The following INPP4B variants were observed in gnomAD, a reference collection of about 807,000 sequenced individuals.
INPP4B encodes the protein inositol polyphosphate-4-phosphatase type II B.
Under a neutral mutation model 122.5 loss-of-function variants are expected in INPP4B, and 55 were observed. That is an observed-to-expected ratio of 0.45 (90% CI 0.36 to 0.56). The LOEUF (loss-of-function observed/expected upper bound fraction) is 0.56. Ranked by LOEUF, INPP4B falls within the 20% of genes least tolerant of loss-of-function variation. The pLI is 0.00. For synonymous variants in INPP4B, 403 were observed against 388.7 expected (o/e 1.04, Z -0.43); for missense variants, 1,000 against 1,097.7 (o/e 0.91, Z 1.26).
At chr4:142,206,174 T>C (rs1347617087) in intron 14 of INPP4B, among the ~76,000 whole-genome samples, 3 of 152,014 alleles carry the variant, frequency 2.0e-5, no homozygotes, top group African/African-American at 7.2e-5. Context: ...GAAAGCTCTT[T>C]TTATCATGGC....
intron 1 of INPP4B, among the ~76,000 whole-genome samples, chr4:142,736,448 C>T (rs918006184): frequency 2.0e-5 from 3 of 152,118 alleles, no homozygotes; most frequent in Admixed American, 1.3e-4. Context: ...GACCCTAAAA[C>T]AGAAGCTTCT....
chr4:142,311,289 T>G (rs922636716), intron 8 of INPP4B, among the ~76,000 whole-genome samples: 1 of 152,172 alleles, frequency 6.6e-6, no homozygotes, highest in Non-Finnish European at 1.5e-5. Flanking sequence ...AGGAAGTCAA[T>G]GCATGCTAAA....
intron 12 of INPP4B, among the ~76,000 whole-genome samples, chr4:142,218,036 T>TTG (rs4054980): frequency 0.16 from 24,056 of 148,320 alleles, 2,024 homozygotes; most frequent in Middle Eastern, 0.29. Flanking sequence ...TTCTAATAAA[T>TTG]TGTGTGTGTG....
rs192521861 is a variant in INPP4B at position 142,810,337 on chromosome 4, T to A, written c.-254+35872A>T. On this transcript the variant is annotated intron_variant, in intron 1 of 25. Transcript: ENST00000262992. ...CATTCATCAGTGAGGCTGCCACTTA[T>A]TATTTAATTATAGAATAGTATTCTT... 3.1e-4 allele frequency among the ~76,000 whole-genome samples: 47 copies of A among 152,284 alleles called. No individual in the cohort carries two copies. The East Asian group carries it at 5.0e-3, about 16-fold the overall frequency.
chr4:142,093,619 G>A (rs1780539224), intron 23 of INPP4B, among the ~76,000 whole-genome samples: 1 of 152,058 alleles, frequency 6.6e-6, no homozygotes, highest in Non-Finnish European at 1.5e-5. Context: ...CTAGCAAGCA[G>A]ACAAATGCAA....
At chr4:142,810,452 C>A (rs921626790) in intron 1 of INPP4B, among the ~76,000 whole-genome samples, 1 of 152,124 alleles carries the variant, frequency 6.6e-6, no homozygotes, top group Non-Finnish European at 1.5e-5. Flanking sequence ...CTGAACTACA[C>A]CTTGATCCAT....
At chr4:142,712,564 C>T (rs1281972846) in intron 2 of INPP4B, among the ~76,000 whole-genome samples, 2 of 152,058 alleles carry the variant, frequency 1.3e-5, no homozygotes, top group Non-Finnish European at 1.5e-5. Flanking sequence ...ATTTTCCTGG[C>T]AATAGCCCAC....
intron 12 of INPP4B, among the ~76,000 whole-genome samples, chr4:142,211,978 G>T (rs527363880): frequency 1.3e-5 from 2 of 152,060 alleles, no homozygotes; most frequent in African/African-American, 4.8e-5. Flanking sequence ...TGACAGTGGT[G>T]GCAATACCTG....
chr4:142,469,213 T>C (rs1818367619), intron 2 of INPP4B, among the ~76,000 whole-genome samples: 1 of 151,964 alleles, frequency 6.6e-6, no homozygotes, highest in Admixed American at 6.6e-5. Flanking sequence ...AGCAATAGCT[T>C]TTCTATATAA....
intron 2 of INPP4B, among the ~76,000 whole-genome samples, chr4:142,588,019 AAAATAAATGTAATTCAC>A (rs1736611673): frequency 6.6e-6 from 1 of 151,950 alleles, no homozygotes; most frequent in African/African-American, 2.4e-5. Context: ...TCAACATATG[AAAATAAATGTAATTCAC>A]TACCTGAACA....
At chr4:142,723,743 A>G (rs2150851749) in intron 2 of INPP4B, among the ~76,000 whole-genome samples, 1 of 152,294 alleles carries the variant, frequency 6.6e-6, no homozygotes, top group African/African-American at 2.4e-5. Context: ...CACCTTCACT[A>G]GTATGTCTTA....
chr4:142,250,939 A>G (rs1731684513), intron 11 of INPP4B, among the ~76,000 whole-genome samples: 1 of 152,240 alleles, frequency 6.6e-6, no homozygotes, highest in Non-Finnish European at 1.5e-5. Flanking sequence ...AGCTGCTCCT[A>G]TCAATTTTAT....
chr4:142,837,304 G>A (rs1019825922), intron 1 of INPP4B, among the ~76,000 whole-genome samples: 1 of 151,976 alleles, frequency 6.6e-6, no homozygotes, highest in Non-Finnish European at 1.5e-5. Flanking sequence ...AATAGTAGAA[G>A]AATATAGTAC....
chr4:142,474,131 C>G (rs768362751), intron 2 of INPP4B: 2 of 152,264 alleles, frequency 1.3e-5, no homozygotes, highest in Non-Finnish European at 2.9e-5. Flanking sequence ...TCTGAACTGT[C>G]AGTGGACACA....
intron 3 of INPP4B, among the ~76,000 whole-genome samples, chr4:142,432,839 T>C (rs1044240594): frequency 5.9e-5 from 9 of 152,128 alleles, no homozygotes; most frequent in Non-Finnish European, 1.0e-4. Flanking sequence ...GTATGATGAA[T>C]CCTAGCAAAA....
At chr4:142,209,121 T>C in intron 12 of INPP4B, 95 bp from the exon 13 acceptor site, 1 of 851,218 alleles carries the variant, frequency 1.2e-6, no homozygotes, top group Non-Finnish European at 1.7e-6. Flanking sequence ...TAAGAAATTA[T>C]TTCATCCTAA....
chr4:142,733,607 TA>T (rs915994749), intron 1 of INPP4B, among the ~76,000 whole-genome samples: 10 of 151,240 alleles, frequency 6.6e-5, no homozygotes, highest in Middle Eastern at 3.4e-3. Context: ...GAGGCTGAAT[TA>T]AAAAAAAAGA....
intron 7 of INPP4B, among the ~76,000 whole-genome samples, chr4:142,354,723 T>C (rs1315980954): frequency 6.6e-6 from 1 of 151,980 alleles, no homozygotes; most frequent in African/African-American, 2.4e-5. Context: ...TTGAGCTTAT[T>C]TTAGATGTTA....
intron 2 of INPP4B, among the ~76,000 whole-genome samples, chr4:142,559,424 CATTT>C (rs1729965407): frequency 6.6e-6 from 1 of 152,040 alleles, no homozygotes; most frequent in African/African-American, 2.4e-5. Flanking sequence ...ACTTGAGATT[CATTT>C]GAGACTCACT....
Sources: gnomAD v4.1 joint callset for allele counts (sites outside exome capture counted in the v4.1 genomes callset) on GRCh38, gnomAD v4.1.1 for gene constraint, MANE v1.5 for transcripts, NCBI Gene and HGNC (gene_info 2026-07-23, HGNC 2026-07-21) for gene names.